The following CA10 variants were observed in gnomAD, a reference collection of about 807,000 sequenced individuals.
The protein encoded by CA10 is carbonic anhydrase-related protein 10.
CA10 carries 14 observed loss-of-function variants against 44.2 expected under a neutral mutation model. That is an observed-to-expected ratio of 0.32 (90% CI 0.21 to 0.50). The LOEUF (loss-of-function observed/expected upper bound fraction) is 0.50. CA10 is among the 20% of genes least tolerant of loss of function. The pLI is 0.99. For missense variants in CA10, 350 were observed against 409.7 expected, an observed-to-expected ratio of 0.85 and a Z score of 1.26; for synonymous variants, 159 against 141.6, an observed-to-expected ratio of 1.12 and a Z score of -0.87.
intron 3 of CA10, among the ~76,000 whole-genome samples, chr17:51,845,512 G>A (rs141967748): frequency 6.6e-6 from 1 of 152,276 alleles, no homozygotes; most frequent in Non-Finnish European, 1.5e-5. Context: ...CACAGAAACT[G>A]TGTGAAACTA....
At chr17:51,833,202 G>C (rs1397274272) in intron 3 of CA10, among the ~76,000 whole-genome samples, 1 of 152,150 alleles carries the variant, frequency 6.6e-6, no homozygotes, top group Non-Finnish European at 1.5e-5. Context: ...TTGAGCATTA[G>C]TGAGAGTAGC....
chr17:51,717,745 A>ATACATATATG (rs1916187322), intron 4 of CA10, among the ~76,000 whole-genome samples: 3 of 21,656 alleles, frequency 1.4e-4, no homozygotes, highest in Non-Finnish European at 2.0e-4. Context: ...ACGTATATAT[A>ATACATATATG]CATGTATATA....
At chr17:52,066,173 G>C (rs1333225343) in intron 2 of CA10, among the ~76,000 whole-genome samples, 3 of 152,186 alleles carry the variant, frequency 2.0e-5, no homozygotes, top group Non-Finnish European at 2.9e-5. Flanking sequence ...CAGAGAATGG[G>C]GTGCTGCTCT....
intron 1 of CA10, among the ~76,000 whole-genome samples, chr17:52,149,724 G>A (rs1403512648): frequency 1.3e-5 from 2 of 152,116 alleles, no homozygotes; most frequent in Admixed American, 1.3e-4. Context: ...AATAAACTAA[G>A]TAACAAGATG....
intron 2 of CA10, among the ~76,000 whole-genome samples, chr17:52,022,958 A>G (rs1332297369): frequency 1.3e-5 from 2 of 152,132 alleles, no homozygotes; most frequent in African/African-American, 4.8e-5. Flanking sequence ...GAAATCAAAG[A>G]TGACACAAAC....
At chr17:51,994,960 C>T (rs941240315) in intron 2 of CA10, among the ~76,000 whole-genome samples, 1 of 152,010 alleles carries the variant, frequency 6.6e-6, no homozygotes, top group African/African-American at 2.4e-5. Flanking sequence ...ACCTCTCAGA[C>T]TTTATTTTCT....
At chr17:51,771,829 A>G (rs1905624160) in intron 3 of CA10, among the ~76,000 whole-genome samples, 1 of 152,238 alleles carries the variant, frequency 6.6e-6, no homozygotes, top group Admixed American at 6.5e-5. Flanking sequence ...GCTGGCTAAC[A>G]TCAATATGGC....
chr17:52,131,278 C>T (rs943789001), intron 1 of CA10, among the ~76,000 whole-genome samples: 1 of 152,184 alleles, frequency 6.6e-6, no homozygotes, highest in African/African-American at 2.4e-5. Flanking sequence ...TCTAATATAT[C>T]TGTCAACAGA....
chr17:51,999,166 G>A (rs570646126), intron 2 of CA10, among the ~76,000 whole-genome samples: 87 of 152,128 alleles, frequency 5.7e-4, no homozygotes, highest in African/African-American at 2.0e-3. Context: ...AGCAAGCGTT[G>A]TTTGGGGTAC....
At chr17:51,907,697 G>A (rs949559862) in intron 3 of CA10, among the ~76,000 whole-genome samples, 37 of 152,198 alleles carry the variant, frequency 2.4e-4, no homozygotes, top group African/African-American at 8.7e-4. Context: ...AAAGATGAGG[G>A]TTCCCTCGCC....
At chr17:51,807,208 G>A (rs576372271) in intron 3 of CA10, among the ~76,000 whole-genome samples, 2 of 152,286 alleles carry the variant, frequency 1.3e-5, no homozygotes, top group South Asian at 2.1e-4. Context: ...CATGGTGAAC[G>A]CTTCTGAAGC....
At chr17:51,955,468 C>T (rs533149165) in intron 2 of CA10, among the ~76,000 whole-genome samples, 3 of 152,112 alleles carry the variant, frequency 2.0e-5, no homozygotes, top group East Asian at 1.9e-4. Context: ...CTTTGGCCAC[C>T]GTGGCAACTT....
At chr17:51,872,556 A>C (rs1404335685) in intron 3 of CA10, among the ~76,000 whole-genome samples, 1 of 152,180 alleles carries the variant, frequency 6.6e-6, no homozygotes, top group African/African-American at 2.4e-5. Flanking sequence ...GTGTTTAGAC[A>C]TCTCAATACA....
chr17:52,041,169 G>A (rs1340195944), intron 2 of CA10, among the ~76,000 whole-genome samples: 3 of 151,890 alleles, frequency 2.0e-5, no homozygotes, highest in Admixed American at 2.0e-4. Context: ...ACTAGAAAAG[G>A]AATATGACAA....
chr17:52,017,727 T>A (rs1260823833), intron 2 of CA10, among the ~76,000 whole-genome samples: 2 of 152,050 alleles, frequency 1.3e-5, no homozygotes, highest in African/African-American at 4.8e-5. Context: ...TTCAGGAGAA[T>A]AGACCAAGCA....
At chr17:51,849,203 A>ATTTG (rs1978655186) in intron 3 of CA10, among the ~76,000 whole-genome samples, 1 of 43,274 alleles carries the variant, frequency 2.3e-5, no homozygotes, top group Non-Finnish European at 4.3e-5. Context: ...ATATACATAT[A>ATTTG]TGTATATATA....
intron 2 of CA10, among the ~76,000 whole-genome samples, chr17:52,046,996 A>G (rs1986929953): frequency 6.6e-6 from 1 of 151,948 alleles, no homozygotes; most frequent in Non-Finnish European, 1.5e-5. Flanking sequence ...AGAAATGAAA[A>G]CATATGTTCA....
At chr17:51,969,115 T>C (rs953331557) in intron 2 of CA10, among the ~76,000 whole-genome samples, 2 of 152,022 alleles carry the variant, frequency 1.3e-5, no homozygotes, top group Admixed American at 6.6e-5. Flanking sequence ...CCAAATATCA[T>C]GTAAAATGTC....
chr17:51,640,813 AT>A (rs1182476855), intron 6 of CA10, among the ~76,000 whole-genome samples: 2 of 152,208 alleles, frequency 1.3e-5, no homozygotes, highest in Non-Finnish European at 2.9e-5. Context: ...GCAGAAAACC[AT>A]TGTTTGGTTC....
Sources: gnomAD v4.1 joint callset for allele counts (sites outside exome capture counted in the v4.1 genomes callset) on GRCh38, gnomAD v4.1.1 for gene constraint, MANE v1.5 for transcripts, NCBI Gene and HGNC (gene_info 2026-07-23, HGNC 2026-07-21) for gene names.